The following CDC42SE2 variants were observed in gnomAD, a reference collection of about 807,000 sequenced individuals.
CDC42SE2 encodes the protein CDC42 small effector 2, also known as CDC42 small effector protein 2.
CDC42SE2 carries 3 observed loss-of-function variants against 11.5 expected under a neutral mutation model. The observed-to-expected ratio is 0.26, with a 90% CI of 0.12 to 0.67. The LOEUF (loss-of-function observed/expected upper bound fraction) is 0.67. CDC42SE2 is among the 30% of genes least tolerant of loss of function. The probability of loss-of-function intolerance (pLI) is 0.80; values close to 1 mark genes in which losing one functional copy is unlikely to be tolerated. For synonymous variants in CDC42SE2, 33 were observed against 34.8 expected (o/e 0.95, Z 0.18); for missense variants, 82 against 106.8 (o/e 0.77, Z 1.02).
At chr5:131,320,133 C>CGA (rs1561583641) in intron 2 of CDC42SE2, among the ~76,000 whole-genome samples, 1 of 150,470 alleles carries the variant, frequency 6.6e-6, no homozygotes, top group African/African-American at 2.4e-5. Flanking sequence ...ACCTGTAACC[C>CGA]GAACACTTTG....
At chr5:131,273,755 G>A (rs1382530016) in intron 1 of CDC42SE2, among the ~76,000 whole-genome samples, 21 of 149,380 alleles carry the variant, frequency 1.4e-4, no homozygotes, top group Non-Finnish European at 3.0e-4. Context: ...CCTGGCGACA[G>A]AGACTCCGTC....
intron 3 of CDC42SE2, among the ~76,000 whole-genome samples, chr5:131,360,029 C>T (rs192044306): frequency 1.3e-5 from 2 of 152,224 alleles, no homozygotes; most frequent in Admixed American, 6.5e-5. Context: ...TGTCAGTGGT[C>T]TTGACTGACT....
intron 2 of CDC42SE2, among the ~76,000 whole-genome samples, chr5:131,318,365 T>C (rs1435940742): frequency 6.6e-6 from 1 of 152,222 alleles, no homozygotes; most frequent in African/African-American, 2.4e-5. Flanking sequence ...TTTAATGTGC[T>C]GTATTTCATA....
chr5:131,303,418 T>C (rs986805867), intron 1 of CDC42SE2, among the ~76,000 whole-genome samples: 3 of 152,242 alleles, frequency 2.0e-5, no homozygotes, highest in Non-Finnish European at 4.4e-5. Context: ...AGCTACTGTT[T>C]CTTGAGGAAA....
intron 2 of CDC42SE2, among the ~76,000 whole-genome samples, chr5:131,341,458 A>T (rs1758711066): frequency 6.6e-6 from 1 of 152,204 alleles, no homozygotes; most frequent in African/African-American, 2.4e-5. Context: ...CAAATATCAA[A>T]TGTAAGGAAT....
intron 3 of CDC42SE2, among the ~76,000 whole-genome samples, chr5:131,370,938 T>C (rs1229680938): frequency 6.6e-6 from 1 of 152,046 alleles, no homozygotes; most frequent in African/African-American, 2.4e-5. Context: ...TGTATACAAA[T>C]AGGAAAGAAA....
At chr5:131,309,148 A>G (rs1235915693) in intron 1 of CDC42SE2, among the ~76,000 whole-genome samples, 4 of 152,230 alleles carry the variant, frequency 2.6e-5, no homozygotes, top group Non-Finnish European at 4.4e-5. Flanking sequence ...GAGAGTTTTT[A>G]GCAAGAAGTG....
intron 1 of CDC42SE2, among the ~76,000 whole-genome samples, chr5:131,273,934 C>T (rs977076825): frequency 3.9e-5 from 6 of 152,032 alleles, no homozygotes; most frequent in East Asian, 1.9e-4. Flanking sequence ...TGTGCCACCA[C>T]ATCCGGCTAG....
intron 3 of CDC42SE2, among the ~76,000 whole-genome samples, chr5:131,360,134 T>C (rs987379088): frequency 6.6e-6 from 1 of 152,214 alleles, no homozygotes; most frequent in African/African-American, 2.4e-5. Context: ...TTCTGTTTTT[T>C]ATTAAGACGG....
rs527807486 is a variant in CDC42SE2 at position 131,341,901 on chromosome 5, A to T, written c.-285-17308A>T. Among the ~76,000 whole-genome samples the T allele has an allele frequency of 5.9e-5, 9 of 151,674 alleles. No individual in the cohort carries two copies. The South Asian group carries it at 1.9e-3, about 32-fold the overall frequency. ...CAGAGCAAGACTCTTGTCTCAATAA[A>T]AAAAAAAAAAGATAGCTAATTATAC... is the stretch of plus-strand genomic sequence containing the variant. On this transcript the variant is annotated intron_variant, in intron 2 of 4. Transcript: ENST00000505065.
chr5:131,355,865 G>A (rs1749524419), intron 2 of CDC42SE2, among the ~76,000 whole-genome samples: 1 of 152,188 alleles, frequency 6.6e-6, no homozygotes. Flanking sequence ...ACTTCATGCA[G>A]GTAGGAGGCT....
At chr5:131,367,606 A>G (rs960420762) in intron 3 of CDC42SE2, among the ~76,000 whole-genome samples, 27 of 152,264 alleles carry the variant, frequency 1.8e-4, no homozygotes, top group Middle Eastern at 3.4e-3. Flanking sequence ...GCACTTCTTC[A>G]TGTGCTTGTT....
intron 1 of CDC42SE2, among the ~76,000 whole-genome samples, chr5:131,314,480 A>G (rs981912997): frequency 4.6e-5 from 7 of 152,122 alleles, no homozygotes; most frequent in African/African-American, 1.4e-4. Context: ...GCCTCAAGCA[A>G]TCATCCCACC....
chr5:131,349,270 C>T (rs1234092794), intron 2 of CDC42SE2, among the ~76,000 whole-genome samples: 1 of 143,380 alleles, frequency 7.0e-6, no homozygotes, highest in Non-Finnish European at 1.5e-5. Flanking sequence ...CGCATGTTCT[C>T]ACTCATAGGT....
Position 131,359,489 on chromosome 5 carries a change from T to C in CDC42SE2, c.-5T>C. 1 of 1,612,146 alleles carries C rather than the reference T, an allele frequency of 6.2e-7. No individual in the cohort carries two copies. Among genetic ancestry groups the C allele is most frequent in the South Asian group, 1.1e-5 (1 of 91,040 alleles). ...ATTGGTGCTCATTTACTGTGGACTG[T>C]AAGCATGAGTGAATTCTGGTTGTGT... On this transcript the variant is annotated 5_prime_UTR_variant, in exon 3 of 5. Coordinates refer to ENST00000505065, the MANE Select transcript of CDC42SE2 (RefSeq NM_001375635.1).
At chr5:131,297,009 A>G (rs1042062014) in intron 1 of CDC42SE2, among the ~76,000 whole-genome samples, 2 of 152,148 alleles carry the variant, frequency 1.3e-5, no homozygotes, top group African/African-American at 4.8e-5. Context: ...TTTTGATGAA[A>G]GTAGAATGTT....
chr5:131,288,698 T>C (rs1757391136), intron 1 of CDC42SE2, among the ~76,000 whole-genome samples: 1 of 152,230 alleles, frequency 6.6e-6, no homozygotes, highest in African/African-American at 2.4e-5. Context: ...TTAGGGATTT[T>C]TAGCTTCTGG....
intron 2 of CDC42SE2, among the ~76,000 whole-genome samples, chr5:131,317,156 T>C (rs1358280913): frequency 6.6e-6 from 1 of 152,160 alleles, no homozygotes; most frequent in African/African-American, 2.4e-5. Flanking sequence ...ACTGCTTCCC[T>C]CTAGGATTAT....
At chr5:131,372,999 T>C (rs1175950633) in intron 3 of CDC42SE2, among the ~76,000 whole-genome samples, 1 of 152,182 alleles carries the variant, frequency 6.6e-6, no homozygotes, top group African/African-American at 2.4e-5. Context: ...TTTGCTTTTA[T>C]CCCCATTGGT....
Sources: allele counts gnomAD v4.1 joint callset (sites outside exome capture counted in the v4.1 genomes callset), GRCh38; gene constraint gnomAD v4.1.1; transcripts MANE v1.5; gene names NCBI Gene and HGNC (gene_info 2026-07-23, HGNC 2026-07-21).